Variants in NFIL3 observed in about 807,000 individuals in gnomAD.
NFIL3 encodes nuclear factor interleukin-3-regulated protein.
A neutral mutation model predicts 10.0 loss-of-function variants in NFIL3; 5 were observed. The observed-to-expected ratio is 0.50, with a 90% CI of 0.26 to 1.06. The LOEUF (loss-of-function observed/expected upper bound fraction) is 1.06. Ranked by LOEUF, NFIL3 falls within the 50% of genes least tolerant of loss-of-function variation. NFIL3 has a pLI of 0.13. For missense variants in NFIL3, 436 were observed against 547.6 expected (o/e 0.80, Z 2.03); for synonymous variants, 202 against 206.5 (o/e 0.98, Z 0.19).
At chr9:91,474,116 TC>T in the NFIL3 span, among the ~76,000 whole-genome samples, 1 of 151,250 alleles carries the variant, frequency 6.6e-6, no homozygotes, top group African/African-American at 2.4e-5. Context: ...TTGACAAAGG[TC>T]CCCTTTGTCC....
the NFIL3 span, among the ~76,000 whole-genome samples, chr9:91,440,088 G>A: frequency 3.9e-5 from 6 of 152,190 alleles, no homozygotes; most frequent in African/African-American, 1.4e-4. Context: ...AGGAAGTATT[G>A]GTATTAGTTC....
At chr9:91,468,246 G>T in the NFIL3 span, among the ~76,000 whole-genome samples, 101 of 152,310 alleles carry the variant, frequency 6.6e-4, 1 homozygote, top group African/African-American at 2.4e-3. Flanking sequence ...GCGTGAGATG[G>T]TATCTCATTG....
At chr9:91,459,389 G>C in the NFIL3 span, among the ~76,000 whole-genome samples, 3 of 152,232 alleles carry the variant, frequency 2.0e-5, no homozygotes, top group African/African-American at 7.2e-5. Context: ...GATCTTTCAG[G>C]CTGCTCTTTT....
chr9:91,476,760 T>A, the NFIL3 span, among the ~76,000 whole-genome samples: 1 of 152,160 alleles, frequency 6.6e-6, no homozygotes, highest in East Asian at 1.9e-4. Flanking sequence ...ATTTTGTAAA[T>A]TAGGATAAAA....
At chr9:91,467,508 G>A in the NFIL3 span, among the ~76,000 whole-genome samples, 1 of 151,916 alleles carries the variant, frequency 6.6e-6, no homozygotes. Context: ...AGTTACAACA[G>A]GGTTTTGTGT....
chr9:91,422,223 A>G (rs1033781998), intron 1 of NFIL3, among the ~76,000 whole-genome samples: 17 of 152,280 alleles, frequency 1.1e-4, no homozygotes, highest in Middle Eastern at 3.4e-3. Flanking sequence ...TAAAAATACA[A>G]TCTTATCAAA....
chr9:91,421,146 A>G (rs1346573577), intron 1 of NFIL3, among the ~76,000 whole-genome samples: 2 of 151,826 alleles, frequency 1.3e-5, no homozygotes, highest in African/African-American at 4.8e-5. Context: ...GCGCGGAGTC[A>G]GGCCCCTGGA....
At chr9:91,439,983 G>T in the NFIL3 span, among the ~76,000 whole-genome samples, 1 of 152,034 alleles carries the variant, frequency 6.6e-6, no homozygotes, top group Non-Finnish European at 1.5e-5. Context: ...TTCTTTTCTT[G>T]TGATGTCTTT....
At chr9:91,481,595 T>C in the NFIL3 span, among the ~76,000 whole-genome samples, 1 of 152,188 alleles carries the variant, frequency 6.6e-6, no homozygotes, top group Non-Finnish European at 1.5e-5. Context: ...ATTGATACTT[T>C]CTTGTATATA....
chr9:91,426,670 T>C (rs1465028733), upstream of NFIL3, among the ~76,000 whole-genome samples: 1 of 152,162 alleles, frequency 6.6e-6, no homozygotes, highest in African/African-American at 2.4e-5. Flanking sequence ...CTAATTCATT[T>C]TATTATACTG....
the NFIL3 span, among the ~76,000 whole-genome samples, chr9:91,432,449 A>C: frequency 6.6e-6 from 1 of 152,192 alleles, no homozygotes; most frequent in African/African-American, 2.4e-5. Flanking sequence ...TGGGAAACTC[A>C]GGCCCAGCCA....
chr9:91,452,883 C>G, the NFIL3 span, among the ~76,000 whole-genome samples: 1 of 150,082 alleles, frequency 6.7e-6, no homozygotes, highest in African/African-American at 2.5e-5. Flanking sequence ...ATATTCTTAA[C>G]ATTGGCAAAA....
intron 1 of NFIL3, among the ~76,000 whole-genome samples, chr9:91,421,478 G>A (rs1330953400): frequency 3.9e-5 from 6 of 152,264 alleles, no homozygotes; most frequent in Non-Finnish European, 5.9e-5. Flanking sequence ...TCAGGCCACT[G>A]AGCAGCCCCA....
chr9:91,482,733 C>G, the NFIL3 span, among the ~76,000 whole-genome samples: 2 of 152,202 alleles, frequency 1.3e-5, no homozygotes, highest in South Asian at 4.2e-4. Context: ...AACTCTGTGA[C>G]CTCAGGTGAT....
chr9:91,476,104 T>C, the NFIL3 span, among the ~76,000 whole-genome samples: 2 of 152,212 alleles, frequency 1.3e-5, no homozygotes, highest in Non-Finnish European at 2.9e-5. Context: ...CACAGTTAAT[T>C]TCCATGTTTG....
the NFIL3 span, among the ~76,000 whole-genome samples, chr9:91,477,012 G>T: frequency 2.0e-5 from 3 of 152,204 alleles, no homozygotes; most frequent in East Asian, 5.8e-4. Flanking sequence ...TTTGTTTTCT[G>T]TTGCTGCATA....
At chr9:91,437,162 T>C in the NFIL3 span, among the ~76,000 whole-genome samples, 1 of 152,204 alleles carries the variant, frequency 6.6e-6, no homozygotes, top group South Asian at 2.1e-4. Context: ...GGCCAGTTCC[T>C]AACAGGCCAG....
chr9:91,409,208 A>G lies in NFIL3; in HGVS notation c.*138T>C. The G allele has an allele frequency of 1.3e-6, 1 of 792,218 alleles. No individual in the cohort carries two copies. The highest frequency in any genetic ancestry group is 1.9e-6 in the Non-Finnish European group (1 of 513,902). 49.1% of individuals were successfully genotyped at this position (792,218 alleles called of 1,614,324 possible). On this transcript the variant is annotated 3_prime_UTR_variant, in exon 2 of 2. Transcript: ENST00000297689. ...ATCTTCATCATAATCTGTGCACAAA[A>G]AGACACCAAACAGACAACATGTGCA...
chr9:91,441,904 C>G, the NFIL3 span, among the ~76,000 whole-genome samples: 4,523 of 152,256 alleles, frequency 0.03, 95 homozygotes, highest in East Asian at 0.092. Context: ...AACCTTCATA[C>G]TAGAGATATG....
Sources: allele counts gnomAD v4.1 joint callset (sites outside exome capture counted in the v4.1 genomes callset), GRCh38; gene constraint gnomAD v4.1.1; transcripts MANE v1.5; gene names NCBI Gene and HGNC (gene_info 2026-07-23, HGNC 2026-07-21).